The following ABCC11 variants were observed in gnomAD, a reference collection of about 807,000 sequenced individuals.
ABCC11 encodes the protein ATP-binding cassette sub-family C member 11.
ABCC11 carries 135 observed loss-of-function variants against 149.3 expected under a neutral mutation model. The ratio of observed to expected loss-of-function variants is 0.90; its 90% CI spans 0.79 to 1.04. The LOEUF is 1.04. Among genes scored for constraint, ABCC11 ranks in the 50% least tolerant of loss-of-function variants. The probability of loss-of-function intolerance (pLI) is 0.00; values close to 1 mark genes in which losing one functional copy is unlikely to be tolerated. For synonymous variants in ABCC11, 665 were observed against 671.4 expected, an observed-to-expected ratio of 0.99 and a Z score of 0.15; for missense variants, 1,680 against 1,722.1, an observed-to-expected ratio of 0.98 and a Z score of 0.43.
In ABCC11 at chr16:48,242,342, T is replaced by C. The variant is rs372370537; in HGVS notation, c.-19+4972A>G. 2.6e-3 allele frequency among the ~76,000 whole-genome samples: 403 copies of C among 152,156 alleles called. 4 individuals carry two copies. The East Asian group carries it at 0.031, about 12-fold the overall frequency. On this transcript the variant is annotated intron_variant, in intron 1 of 29. Coordinates refer to ENST00000356608, the MANE Select transcript of ABCC11 (RefSeq NM_001370497.1). ...AGAGAAATGCAAATCAAAACCACAATGAGATACCATCTCACACCAGTTAGA... is the reference window on the plus strand; with the variant it reads ...AGAGAAATGCAAATCAAAACCACAACGAGATACCATCTCACACCAGTTAGA...
chr16:48,239,179 C>T (rs2150936659), intron 1 of ABCC11, among the ~76,000 whole-genome samples: 1 of 152,114 alleles, frequency 6.6e-6, no homozygotes, highest in South Asian at 2.1e-4. Flanking sequence ...ACTGGTTAGC[C>T]ATATGCAGAA....
At chr16:48,238,650 A>G (rs1970797458) in intron 1 of ABCC11, among the ~76,000 whole-genome samples, 1 of 152,200 alleles carries the variant, frequency 6.6e-6, no homozygotes, top group African/African-American at 2.4e-5. Flanking sequence ...GAATCCATAA[A>G]AACTAGGCCG....
At chr16:48,217,353 A>G (rs1969416605) in intron 6 of ABCC11, among the ~76,000 whole-genome samples, 3 of 152,116 alleles carry the variant, frequency 2.0e-5, no homozygotes, top group Admixed American at 1.3e-4. Context: ...GGCCGGGCAC[A>G]GGGAGGCCAA....
chr16:48,214,593 A>G (rs1434632330), intron 9 of ABCC11, among the ~76,000 whole-genome samples: 1 of 152,182 alleles, frequency 6.6e-6, no homozygotes, highest in Admixed American at 6.5e-5. Context: ...GAGGAACTCC[A>G]CAACCTCAAG....
Position 48,227,811 on chromosome 16 carries a change from GACATTTTTGT to G in ABCC11, c.380_389del (p.Asp127AlafsTer25). The G allele has an allele frequency of 4.3e-6, 7 of 1,613,450 alleles. No homozygotes were observed. The highest frequency in any genetic ancestry group is 5.9e-6 in the Non-Finnish European group (7 of 1,179,748). Reference sequence around the variant, plus strand: ...TTTGCCCAGCGCAGCTTCACCTTTGGACATTTTTGTCTGAGGCATCATGGACTGACAGTGG... The same window carrying G: ...TTTGCCCAGCGCAGCTTCACCTTTGGCTGAGGCATCATGGACTGACAGTGG... On this transcript the variant is annotated frameshift_variant, in exon 4 of 30. Coordinates refer to ENST00000356608, the MANE Select transcript of ABCC11 (RefSeq NM_001370497.1). LOFTEE classifies it high-confidence loss of function.
chr16:48,222,607 G>A lies in ABCC11; in HGVS notation c.768C>T (p.Thr256=). ...LIQFKSVIHI[T]SGEAISFFTG... ...AGTCCCAGCTGCTTACCTCTCCTGA[G>A]GTGATGTGTATTACAGACTTAAATT... Residue 256 remains threonine, a synonymous_variant, in exon 6 of 30, where the codon ACC becomes ACT. Coordinates refer to ENST00000356608, the MANE Select transcript of ABCC11 (RefSeq NM_001370497.1). 6.2e-7 allele frequency: 1 copy of A among 1,613,930 alleles called. No individual in the cohort carries two copies. Among genetic ancestry groups the A allele is most frequent in the Non-Finnish European group, 8.5e-7 (1 of 1,179,792 alleles).
Position 48,222,621 on chromosome 16 carries a change from C to T in ABCC11, c.754G>A (p.Val252Ile), listed in dbSNP as rs771644129. 1 of 1,614,116 alleles carries T rather than the reference C, an allele frequency of 6.2e-7. No individual in the cohort carries two copies. The highest frequency in any genetic ancestry group is 1.1e-5 in the South Asian group (1 of 91,082). Reference protein sequence around the residue: ...AFEKLIQFKSVIHITSGEAIS... With the variant: ...AFEKLIQFKSIIHITSGEAIS... ...ACCTCTCCTGAGGTGATGTGTATTA[C>T]AGACTTAAATTGGATGAGCTTCTCA... The change falls in exon 6 of 30, where the codon GTA becomes ATA. Residue 252 changes from valine (V) to isoleucine (I), a missense_variant. Val to Ile is a conservative substitution (Grantham distance 29, BLOSUM62 3). Coordinates refer to ENST00000356608, the MANE Select transcript of ABCC11 (RefSeq NM_001370497.1).
intron 1 of ABCC11, among the ~76,000 whole-genome samples, chr16:48,243,749 T>G (rs1199468579): frequency 2.6e-5 from 4 of 152,194 alleles, no homozygotes; most frequent in Non-Finnish European, 5.9e-5. Context: ...CCCAGCACTT[T>G]GGGAGGCCGA....
At position 48,178,625 on chromosome 16, in the gene ABCC11, G is replaced by A. The variant is rs765834198; in HGVS notation, c.3320C>T (p.Ala1107Val). Reference sequence around the variant, plus strand: ...CATGTACTGCAGTATCCTCTCTACAGCCGTGAACTGTGCCTCTGTCTCCAA... The same window carrying A: ...CATGTACTGCAGTATCCTCTCTACAACCGTGAACTGTGCCTCTGTCTCCAA... Reference protein sequence around the residue: ...IGLETEAQFTAVERILQYMKM... With the variant: ...IGLETEAQFTVVERILQYMKM... The change falls in exon 24 of 30, where the codon GCT (alanine) becomes GTT (valine). Residue 1107 changes from alanine to valine, a missense_variant. Physicochemically the swap from Ala to Val is moderately conservative, Grantham distance 64. Coordinates refer to ENST00000356608, the MANE Select transcript of ABCC11 (RefSeq NM_001370497.1). The A allele has an allele frequency of 4.3e-6, 7 of 1,614,038 alleles. No homozygotes were observed. In the African/African-American group the frequency reaches 5.3e-5, roughly 12 times the overall value.
Position 48,205,016 on chromosome 16 carries a change from T to G in ABCC11, c.1805+397A>C, listed in dbSNP as rs370296027. Among the ~76,000 whole-genome samples, 17 of 152,330 alleles carry G rather than the reference T, an allele frequency of 1.1e-4. No individual in the cohort carries two copies. The East Asian group carries it at 2.5e-3, about 22-fold the overall frequency. On this transcript the variant is annotated intron_variant, in intron 13 of 29. Transcript: ENST00000356608. Reference sequence around the variant, plus strand: ...TTTTCACAGAACCTCATCGCTCCCATTTGTTTTCCTTTTCACTTAGGGGCC... The same window carrying G: ...TTTTCACAGAACCTCATCGCTCCCAGTTGTTTTCCTTTTCACTTAGGGGCC...
At position 48,233,732 on chromosome 16, in the gene ABCC11, C is replaced by T. The variant is rs139842506; in HGVS notation, c.-18-1793G>A. ...GCAGCAAATTTCAGAGTGCAAGTCT[C>T]ATATCCTTGCAAAGGGCTGCCTCAG... On this transcript the variant is annotated intron_variant, in intron 1 of 29. Coordinates refer to ENST00000356608, the MANE Select transcript of ABCC11 (RefSeq NM_001370497.1). Among the ~76,000 whole-genome samples the T allele has an allele frequency of 6.1e-3, 926 of 152,330 alleles. 12 individuals carry two copies. Among genetic ancestry groups the T allele is most frequent in the African/African-American group, 0.022 (897 of 41,570 alleles).
At chr16:48,244,652 G>A in intron 1 of ABCC11, 2 of 1,325,142 alleles carry the variant, frequency 1.5e-6, no homozygotes, top group Non-Finnish European at 1.9e-6. Context: ...GGCGGCGGCG[G>A]GCGGCGCGGC....
At chr16:48,174,817 CTTGT>C (rs375150417) in intron 26 of ABCC11, among the ~76,000 whole-genome samples, 129 of 152,110 alleles carry the variant, frequency 8.5e-4, no homozygotes, top group African/African-American at 2.3e-3. Context: ...TGTTTGTTTG[CTTGT>C]TTGTTTGTTT....
chr16:48,175,335 G>C lies in ABCC11; in HGVS notation c.3621C>G (p.Cys1207Trp), dbSNP rs190409424. The C allele has an allele frequency of 6.2e-7, 1 of 1,614,060 alleles. No homozygotes were observed. Among genetic ancestry groups the C allele is most frequent in the African/African-American group, 1.3e-5 (1 of 74,956 alleles). ...GRILIDGVDI[C>W]SIGLEDLRSK... ...ACCGCAAGTCCTCCAGGCCGATGCT[G>C]CAAATGTCCACGCCGTCAATGAGAA... Residue 1207 changes from cysteine (C) to tryptophan (W), a missense_variant, in exon 26 of 30, where the codon TGC (cysteine) becomes TGG (tryptophan). Coordinates refer to ENST00000356608, the MANE Select transcript of ABCC11 (RefSeq NM_001370497.1).
rs376361583 is a variant in ABCC11 at position 48,200,283 on chromosome 16, T to C, written c.2075A>G (p.Gln692Arg). 1.2e-6 allele frequency: 2 copies of C among 1,614,020 alleles called. No individual in the cohort carries two copies. The highest frequency in any genetic ancestry group is 2.2e-5 in the East Asian group (1 of 44,900). The change falls in exon 15 of 30, where the codon CAG (glutamine) becomes CGG (arginine). Residue 692 changes from glutamine to arginine, a missense_variant. Physicochemically the swap from Gln to Arg is conservative, Grantham distance 43. Transcript: ENST00000356608. ...RGKTVVLVTH[Q>R]LQYLEFCGQI... is the part of the protein sequence containing the mutation. ...CCCTGGAAGGGTGCTAACCTGCAGC[T>C]GGTGGGTCACCAGGACGACCGTCTT...
rs1969215436 is a variant in ABCC11 at position 48,214,931 on chromosome 16, C to T, written c.1198G>A (p.Val400Ile). Residue 400 changes from valine to isoleucine, a missense_variant, in exon 9 of 30, where the codon GTC becomes ATC. Physicochemically the swap from Val to Ile is conservative, Grantham distance 29. Coordinates refer to ENST00000356608, the MANE Select transcript of ABCC11 (RefSeq NM_001370497.1). ...AAGGATGTGTGGATGAGAACCCAGA[C>T]CGCTGTGGCCACTGTGGGGATGATG... ...LFIIPTVATA[V>I]WVLIHTSLKL... 6.2e-7 allele frequency: 1 copy of T among 1,614,168 alleles called. No individual in the cohort carries two copies.
At chr16:48,230,623 G>T in intron 2 of ABCC11, 50 bp from the exon 3 acceptor site, 2 of 1,460,234 alleles carry the variant, frequency 1.4e-6, no homozygotes, top group Non-Finnish European at 1.8e-6. Context: ...CGTAAATTCT[G>T]TCCTGAGGGA....
At chr16:48,211,342 G>A (rs1310945425) in intron 10 of ABCC11, 143 bp from the exon 11 acceptor site, 5 of 1,018,712 alleles carry the variant, frequency 4.9e-6, no homozygotes, top group Non-Finnish European at 7.1e-6. Flanking sequence ...AGTACCACCA[G>A]TTAGGAAAGG....
At chr16:48,177,694 C>T (rs185942378) in intron 24 of ABCC11, among the ~76,000 whole-genome samples, 125 of 152,296 alleles carry the variant, frequency 8.2e-4, no homozygotes, top group Admixed American at 3.7e-3. Flanking sequence ...GAGGAAAGAA[C>T]GCTGGAGAAG....
Sources: gnomAD v4.1 joint callset for allele counts (sites outside exome capture counted in the v4.1 genomes callset) on GRCh38, gnomAD v4.1.1 for gene constraint, MANE v1.5 for transcripts, NCBI Gene and HGNC (gene_info 2026-07-23, HGNC 2026-07-21) for gene names.